The following STAMBP variants were observed in gnomAD, a reference collection of about 807,000 sequenced individuals.
STAMBP encodes the protein STAM binding protein.
In STAMBP, 31 loss-of-function variants were observed where a neutral mutation model predicts 50.7. The observed-to-expected ratio is 0.61, with a 90% confidence interval of 0.46 to 0.83. STAMBP has a LOEUF of 0.83. Among genes scored for constraint, STAMBP ranks in the 40% least tolerant of loss-of-function variants. The pLI is 0.00. For missense variants in STAMBP, 472 were observed against 518.9 expected (o/e 0.91, Z 0.88); for synonymous variants, 211 against 192.4 (o/e 1.10, Z -0.80).
chr2:73,834,607 A>G (rs1489312930), intron 2 of STAMBP, among the ~76,000 whole-genome samples: 1 of 152,040 alleles, frequency 6.6e-6, no homozygotes, highest in Non-Finnish European at 1.5e-5. Flanking sequence ...ATCCGTGTAT[A>G]AATGGACCCA....
rs777124033 is a variant in STAMBP at position 73,830,928 on chromosome 2, G to T, written c.72G>T (p.Ala24=). ...RVRALSQLGS[A]VEVNEDIPPR... ...GGGCTCTCTCCCAGCTGGGTAGTGC[G>T]GTAGAGGTGAATGAAGACATTCCAC... is the stretch of plus-strand genomic sequence containing the variant. Residue 24 remains alanine, a synonymous_variant, in exon 2 of 10, where the codon GCG becomes GCT. Coordinates refer to ENST00000394070, the MANE Select transcript of STAMBP (RefSeq NM_213622.4). 1 of 1,613,952 alleles carries T rather than the reference G, an allele frequency of 6.2e-7. No homozygotes were observed. The highest frequency in any genetic ancestry group is 1.7e-5 in the Admixed American group (1 of 60,008).
chr2:73,854,148 A>G (rs1460521031), intron 7 of STAMBP, among the ~76,000 whole-genome samples: 1 of 152,230 alleles, frequency 6.6e-6, no homozygotes, highest in Non-Finnish European at 1.5e-5. Flanking sequence ...CACAGGGGGA[A>G]AAACATCCAT....
chr2:73,850,605 T>C lies in STAMBP; in HGVS notation c.1005+92T>C, dbSNP rs760358669. 7.4e-7 allele frequency: 1 copy of C among 1,353,372 alleles called. No individual in the cohort carries two copies. The highest frequency in any genetic ancestry group is 2.6e-5 in the Admixed American group (1 of 38,466). 83.8% of individuals were successfully genotyped at this position (1,353,372 alleles called of 1,614,324 possible). A position where few individuals can be genotyped will look rare whatever the true frequency, so the allele number is the denominator to read the frequency against. On this transcript the variant is annotated intron_variant, in intron 7 of 9. Coordinates refer to ENST00000394070, the MANE Select transcript of STAMBP (RefSeq NM_213622.4). The surrounding 1 kb of genome is among the most constrained non-coding windows in gnomAD (Gnocchi z 4.3). ...GTTTCTTTGAACAAAGTCAATTATA[T>C]CCAGATTATTTATTGTTTTTCTCTC...
Position 73,865,399 on chromosome 2 carries a change from G to T in STAMBP, c.*3140G>T, listed in dbSNP as rs576756368. On this transcript the variant is annotated 3_prime_UTR_variant, in exon 10 of 10. Coordinates refer to ENST00000394070, the MANE Select transcript of STAMBP (RefSeq NM_213622.4). Reference sequence around the variant, plus strand: ...CCCACCTGAGTTTGGAGACCAGTTTGTCCAAGGATCTTTCAAACATGTGAG... The same window carrying T: ...CCCACCTGAGTTTGGAGACCAGTTTTTCCAAGGATCTTTCAAACATGTGAG... 43 of 152,294 alleles carry T rather than the reference G, an allele frequency of 2.8e-4. No individual in the cohort carries two copies. The highest frequency in any genetic ancestry group is 9.9e-4 in the African/African-American group (41 of 41,562). 9.4% of individuals were successfully genotyped at this position (152,294 alleles called of 1,614,324 possible). A position where few individuals can be genotyped will look rare whatever the true frequency, so the allele number is the denominator to read the frequency against.
At chr2:73,860,241 A>G in intron 9 of STAMBP, 90 bp downstream of exon 9, 1 of 1,085,552 alleles carries the variant, frequency 9.2e-7, no homozygotes, top group Admixed American at 2.1e-5. Flanking sequence ...TCTGATCCAC[A>G]CAGAAGACCA....
At chr2:73,867,545 AAAAT>A (rs1279294760), downstream of STAMBP, among the ~76,000 whole-genome samples, 3 of 152,210 alleles carry the variant, frequency 2.0e-5, no homozygotes, top group Non-Finnish European at 2.9e-5. Flanking sequence ...TCCGTCTAAA[AAAAT>A]AAATAAATAA....
chr2:73,859,229 CCT>C (rs1348490069), intron 7 of STAMBP, 23 bp from the exon 8 acceptor site: 1 of 1,590,626 alleles, frequency 6.3e-7, no homozygotes, highest in Non-Finnish European at 8.6e-7. Context: ...CGCTAAGAGT[CCT>C]CTGACTCTTT....
In STAMBP at chr2:73,862,934, G is replaced by A. The variant is rs11677969; in HGVS notation, c.*675G>A. On this transcript the variant is annotated 3_prime_UTR_variant, in exon 10 of 10. Coordinates refer to ENST00000394070, the MANE Select transcript of STAMBP (RefSeq NM_213622.4). ...ATTTGATCAAGCATTGTATAAACAG[G>A]TTAAAAAAAAGGTATGGTTGTTTTG... 8.3e-6 allele frequency: 1 copy of A among 120,906 alleles called. No individual in the cohort carries two copies. The highest frequency in any genetic ancestry group is 4.9e-5 in the African/African-American group (1 of 20,528). 7.5% of individuals were successfully genotyped at this position (120,906 alleles called of 1,614,324 possible). A position where few individuals can be genotyped will look rare whatever the true frequency, so the allele number is the denominator to read the frequency against.
intron 1 of STAMBP, among the ~76,000 whole-genome samples, chr2:73,830,135 C>T (rs1158761202): frequency 1.3e-5 from 2 of 152,156 alleles, no homozygotes; most frequent in African/African-American, 4.8e-5. Context: ...ATGCAAGTTA[C>T]CATCGTGCCT....
chr2:73,842,015 C>G (rs1397724986), intron 2 of STAMBP, among the ~76,000 whole-genome samples: 2 of 151,988 alleles, frequency 1.3e-5, no homozygotes, highest in Non-Finnish European at 2.9e-5. Flanking sequence ...TTACATGGCT[C>G]AAAGTCAAAG....
Position 73,864,764 on chromosome 2 carries a change from A to T in STAMBP, c.*2505A>T, listed in dbSNP as rs1434761198. The T allele has an allele frequency of 6.6e-6, 1 of 152,264 alleles. No individual in the cohort carries two copies. The highest frequency in any genetic ancestry group is 1.5e-5 in the Non-Finnish European group (1 of 68,098). The allele number at this position is 152,264 out of a possible 1,614,324, so 9.4% of individuals were successfully genotyped here. On this transcript the variant is annotated 3_prime_UTR_variant, in exon 10 of 10. Transcript: ENST00000394070. ...GTTCTGGGCTGAGAGGGGAGACAAA[A>T]GCATCGTCAGGTTGCCAAACAATGT... is the stretch of plus-strand genomic sequence containing the variant.
At chr2:73,835,853 G>T (rs1267282631) in intron 2 of STAMBP, among the ~76,000 whole-genome samples, 1 of 152,132 alleles carries the variant, frequency 6.6e-6, no homozygotes, top group Non-Finnish European at 1.5e-5. Flanking sequence ...TATCCAAGTA[G>T]AGATGTCAAG....
intron 9 of STAMBP, chr2:73,860,416 A>G (rs1011074225): frequency 3.9e-5 from 22 of 558,188 alleles, no homozygotes; most frequent in Admixed American, 2.3e-4. Flanking sequence ...GCATAATAAT[A>G]ACACCTACTT....
At chr2:73,844,469 C>A (rs2104452012) in intron 2 of STAMBP, among the ~76,000 whole-genome samples, 1 of 152,280 alleles carries the variant, frequency 6.6e-6, no homozygotes, top group African/African-American at 2.4e-5. Flanking sequence ...TGACAGAAGC[C>A]CTTTCCTTTG....
At chr2:73,867,537 C>T (rs773737593), downstream of STAMBP, among the ~76,000 whole-genome samples, 38 of 151,450 alleles carry the variant, frequency 2.5e-4, no homozygotes, top group Non-Finnish European at 3.7e-4. Context: ...AGCGAAACTC[C>T]GTCTAAAAAA....
chr2:73,832,203 C>G (rs1338622512), intron 2 of STAMBP, among the ~76,000 whole-genome samples: 1 of 150,824 alleles, frequency 6.6e-6, no homozygotes, highest in Non-Finnish European at 1.5e-5. Context: ...GCCTGTAATC[C>G]CAGCACTTTG....
rs941007807 is a variant in STAMBP at position 73,866,340 on chromosome 2, A to G, written c.*4081A>G. Reference sequence around the variant, plus strand: ...CCTTCCTTGAACTCCAGTGGCAACTATAGTCTGTTTCCCACAATTTGTTGT... The same window carrying G: ...CCTTCCTTGAACTCCAGTGGCAACTGTAGTCTGTTTCCCACAATTTGTTGT... On this transcript the variant is annotated 3_prime_UTR_variant, in exon 10 of 10. Transcript: ENST00000394070. 4 of 152,132 alleles carry G rather than the reference A, an allele frequency of 2.6e-5. No individual in the cohort carries two copies. The highest frequency in any genetic ancestry group is 5.9e-5 in the Non-Finnish European group (4 of 68,024). 9.4% of individuals were successfully genotyped at this position (152,132 alleles called of 1,614,324 possible). A position where few individuals can be genotyped will look rare whatever the true frequency, so the allele number is the denominator to read the frequency against.
Position 73,866,710 on chromosome 2 carries a change from T to G in STAMBP, c.*4451T>G, listed in dbSNP as rs1199467004. 1.3e-5 allele frequency: 2 copies of G among 152,226 alleles called. No homozygotes were observed. Among genetic ancestry groups the G allele is most frequent in the Non-Finnish European group, 2.9e-5 (2 of 68,126 alleles). The allele number at this position is 152,226 out of a possible 1,614,324, so 9.4% of individuals were successfully genotyped here. ...ATGGTTGTCCTGGCCAACAGCGAATTTAATGGGTGGTCAAAAGAAGATGTG... is the reference window on the plus strand; with the variant it reads ...ATGGTTGTCCTGGCCAACAGCGAATGTAATGGGTGGTCAAAAGAAGATGTG... On this transcript the variant is annotated 3_prime_UTR_variant, in exon 10 of 10. Transcript: ENST00000394070.
intron 2 of STAMBP, among the ~76,000 whole-genome samples, chr2:73,838,988 T>C (rs1675050180): frequency 6.6e-6 from 1 of 152,204 alleles, no homozygotes; most frequent in African/African-American, 2.4e-5. Flanking sequence ...ACTTAGTACA[T>C]TCCTATCAAT....
Sources: gnomAD v4.1 joint callset for allele counts (sites outside exome capture counted in the v4.1 genomes callset) on GRCh38, gnomAD v4.1.1 for gene constraint, Gnocchi (gnomAD v3.1) non-coding constraint, MANE v1.5 for transcripts, NCBI Gene and HGNC (gene_info 2026-07-23, HGNC 2026-07-21) for gene names.